The following TMEM132D variants were observed in gnomAD, a reference collection of about 807,000 sequenced individuals.
TMEM132D encodes the protein mature OL transmembrane protein.
TMEM132D carries 21 observed loss-of-function variants against 62.3 expected under a neutral mutation model. The ratio of observed to expected loss-of-function variants is 0.34; its 90% confidence interval spans 0.24 to 0.49. The LOEUF is 0.49. Among genes scored for constraint, TMEM132D ranks in the 20% least tolerant of loss-of-function variants. TMEM132D has a pLI of 0.99. For missense variants in TMEM132D, 1,346 were observed against 1,402.8 expected (o/e 0.96, Z 0.65); for synonymous variants, 621 against 575.6 (o/e 1.08, Z -1.13).
chr12:129,753,768 T>C (rs932542275), intron 1 of TMEM132D, among the ~76,000 whole-genome samples: 4 of 152,252 alleles, frequency 2.6e-5, no homozygotes, highest in Non-Finnish European at 4.4e-5. Context: ...CTGATGACTC[T>C]ACAGGACAGG....
intron 3 of TMEM132D, among the ~76,000 whole-genome samples, chr12:129,360,371 C>T (rs1160816957): frequency 6.6e-6 from 1 of 152,188 alleles, no homozygotes; most frequent in African/African-American, 2.4e-5. Context: ...ATTTTATGTT[C>T]TTTCTTCCAG....
At position 129,903,938 on chromosome 12, in the gene TMEM132D, G is replaced by A. The variant is rs1159202156; in HGVS notation, c.-599C>T. 6.8e-6 allele frequency among the ~76,000 whole-genome samples: 1 copy of A among 147,914 alleles called. No homozygotes were observed. The highest frequency in any genetic ancestry group is 2.4e-5 in the African/African-American group (1 of 41,018). ...GCGCTCCGGCACCCAAAGTTTGGCGGGTGCGGCTGCTCCCCGGCCGCCGCC... is the reference window on the plus strand; with the variant it reads ...GCGCTCCGGCACCCAAAGTTTGGCGAGTGCGGCTGCTCCCCGGCCGCCGCC... On this transcript the variant is annotated 5_prime_UTR_variant, in exon 1 of 9. Coordinates refer to ENST00000422113, the MANE Select transcript of TMEM132D (RefSeq NM_133448.3). This position sits in a 1 kb window ranked among gnomAD's most constrained non-coding sequence, Gnocchi z 6.2.
At chr12:129,118,020 T>C (rs1381185483) in intron 5 of TMEM132D, among the ~76,000 whole-genome samples, 2 of 152,220 alleles carry the variant, frequency 1.3e-5, no homozygotes, top group African/African-American at 2.4e-5. Context: ...CTGTTGCTAC[T>C]GGTATTTTGT....
intron 5 of TMEM132D, among the ~76,000 whole-genome samples, chr12:129,129,665 T>C (rs1876315043): frequency 6.6e-6 from 1 of 152,196 alleles, no homozygotes; most frequent in Non-Finnish European, 1.5e-5. Flanking sequence ...TTCTTGACTT[T>C]TTAATACTAG....
chr12:129,750,962 C>T (rs1953214975), intron 1 of TMEM132D, among the ~76,000 whole-genome samples: 1 of 152,132 alleles, frequency 6.6e-6, no homozygotes, highest in Non-Finnish European at 1.5e-5. Context: ...GTCAATCATA[C>T]TTTAACAAAA....
In TMEM132D at chr12:129,725,209, A is replaced by G. The variant is rs576561123; in HGVS notation, c.80-24511T>C. On this transcript the variant is annotated intron_variant, in intron 1 of 8. Transcript: ENST00000422113. Reference sequence around the variant, plus strand: ...TTTACTGTGGTGTAAAGGCACAAGTATCGTTTAATAAGCTCATTGCAGTTA... The same window carrying G: ...TTTACTGTGGTGTAAAGGCACAAGTGTCGTTTAATAAGCTCATTGCAGTTA... 1.2e-3 allele frequency among the ~76,000 whole-genome samples: 183 copies of G among 152,362 alleles called. 1 individual carries two copies. The highest frequency in any genetic ancestry group is 4.3e-3 in the African/African-American group (178 of 41,592).
chr12:129,411,713 C>T (rs762685120), intron 3 of TMEM132D, among the ~76,000 whole-genome samples: 5 of 152,264 alleles, frequency 3.3e-5, no homozygotes, highest in African/African-American at 1.2e-4. Flanking sequence ...TGAGCCATAA[C>T]CTTCTCTGAG....
chr12:129,271,569 C>T (rs1362407577), intron 4 of TMEM132D, among the ~76,000 whole-genome samples: 4 of 151,424 alleles, frequency 2.6e-5, no homozygotes, highest in East Asian at 1.9e-4. Flanking sequence ...TTGCCCCCCA[C>T]CCCCTAACAG....
intron 1 of TMEM132D, among the ~76,000 whole-genome samples, chr12:129,814,243 G>C (rs1476555629): frequency 6.6e-6 from 1 of 152,006 alleles, no homozygotes; most frequent in African/African-American, 2.4e-5. Flanking sequence ...GAATGAAACT[G>C]GTATCACCAC....
intron 2 of TMEM132D, among the ~76,000 whole-genome samples, chr12:129,653,233 G>A (rs1879978129): frequency 6.6e-6 from 1 of 152,102 alleles, no homozygotes; most frequent in South Asian, 2.1e-4. Flanking sequence ...CATACAGGGA[G>A]GAGAACGGCT....
chr12:129,890,159 A>G (rs961753639), intron 1 of TMEM132D, among the ~76,000 whole-genome samples: 4 of 152,178 alleles, frequency 2.6e-5, no homozygotes, highest in African/African-American at 4.8e-5. Flanking sequence ...CCCCAGTCCT[A>G]TAAATTGGAT....
At chr12:129,865,567 A>G (rs1874033118) in intron 1 of TMEM132D, among the ~76,000 whole-genome samples, 1 of 152,142 alleles carries the variant, frequency 6.6e-6, no homozygotes, top group Admixed American at 6.6e-5. Context: ...GCAGGCATGG[A>G]GGGAATCTGG....
chr12:129,503,810 T>A (rs1359339906), intron 3 of TMEM132D, among the ~76,000 whole-genome samples: 2 of 152,186 alleles, frequency 1.3e-5, no homozygotes, highest in African/African-American at 4.8e-5. Flanking sequence ...TCTGAGCATC[T>A]AATAATTATT....
intron 1 of TMEM132D, chr12:129,840,139 T>C (rs549762314): frequency 2.6e-5 from 4 of 152,346 alleles, no homozygotes; most frequent in Admixed American, 2.0e-4. Flanking sequence ...TACATATAAA[T>C]CAAAGCTCTG....
chr12:129,272,802 T>G lies in TMEM132D; in HGVS notation c.1300-63139A>C, dbSNP rs191211602. 5.0e-4 allele frequency among the ~76,000 whole-genome samples: 76 copies of G among 151,886 alleles called. No homozygotes were observed. In the East Asian group the frequency reaches 0.013, roughly 27 times the overall value. On this transcript the variant is annotated intron_variant, in intron 4 of 8. Coordinates refer to ENST00000422113, the MANE Select transcript of TMEM132D (RefSeq NM_133448.3). ...TAGGCCAGGCACGGCGGCTCACGCC[T>G]GTAATCCCAGCACTTTGGGAGGCCA...
At chr12:129,799,016 A>G (rs574429818) in intron 1 of TMEM132D, among the ~76,000 whole-genome samples, 2 of 152,362 alleles carry the variant, frequency 1.3e-5, no homozygotes, top group Non-Finnish European at 2.9e-5. Context: ...CTGTAATCCC[A>G]GCACTCTGGG....
intron 1 of TMEM132D, among the ~76,000 whole-genome samples, chr12:129,774,302 T>C (rs1177292228): frequency 6.6e-6 from 1 of 152,206 alleles, no homozygotes; most frequent in African/African-American, 2.4e-5. Context: ...TCTTTCTCTT[T>C]ACGTCCTCAT....
chr12:129,525,334 T>C (rs1875997951), intron 3 of TMEM132D, among the ~76,000 whole-genome samples: 1 of 149,026 alleles, frequency 6.7e-6, no homozygotes, highest in Admixed American at 6.8e-5. Flanking sequence ...ATGCAGAAGT[T>C]ATTAAAACAA....
chr12:129,365,651 G>T (rs1307012880), intron 3 of TMEM132D, among the ~76,000 whole-genome samples: 1 of 152,140 alleles, frequency 6.6e-6, no homozygotes, highest in Non-Finnish European at 1.5e-5. Context: ...TCACCCCGCA[G>T]GGAGCCTTGG....
Sources: gnomAD v4.1 joint callset for allele counts (sites outside exome capture counted in the v4.1 genomes callset) on GRCh38, gnomAD v4.1.1 for gene constraint, Gnocchi (gnomAD v3.1) non-coding constraint, MANE v1.5 for transcripts, NCBI Gene and HGNC (gene_info 2026-07-23, HGNC 2026-07-21) for gene names.